DCDC1: variants seen among roughly 807,000 people sequenced by gnomAD.
The protein encoded by DCDC1 is doublecortin domain containing 1, also known as doublecortin domain-containing protein 1.
DCDC1 carries 200 observed loss-of-function variants against 178.3 expected under a neutral mutation model. That is an observed-to-expected ratio of 1.12 (90% CI 1.00 to 1.26). The LOEUF (loss-of-function observed/expected upper bound fraction) is 1.26. Among genes scored for constraint, DCDC1 ranks in the 50% most tolerant of loss-of-function variants. The probability of loss-of-function intolerance (pLI) is 0.00; values close to 1 mark genes in which losing one functional copy is unlikely to be tolerated. For synonymous variants in DCDC1, 690 were observed against 604.8 expected (o/e 1.14, Z -2.07); for missense variants, 1,983 against 1,749.2 (o/e 1.13, Z -2.38).
At chr11:31,235,181 G>A (rs1421546729) in intron 9 of DCDC1, among the ~76,000 whole-genome samples, 1 of 151,506 alleles carries the variant, frequency 6.6e-6, no homozygotes, top group African/African-American at 2.4e-5. Context: ...ATAAATTTTT[G>A]GTCAGAAAAT....
intron 9 of DCDC1, among the ~76,000 whole-genome samples, chr11:31,176,271 G>C (rs1968003112): frequency 6.6e-6 from 1 of 152,174 alleles, no homozygotes; most frequent in African/African-American, 2.4e-5. Flanking sequence ...ATATAATTGA[G>C]AGTTTCAATA....
chr11:31,359,739 C>A (rs1400082785), intron 1 of DCDC1, among the ~76,000 whole-genome samples: 1 of 152,156 alleles, frequency 6.6e-6, no homozygotes, highest in Non-Finnish European at 1.5e-5. Flanking sequence ...CTTTTCTGTA[C>A]ATTTTCCCTA....
At chr11:30,918,621 G>A (rs1465540378) in intron 25 of DCDC1, among the ~76,000 whole-genome samples, 1 of 152,114 alleles carries the variant, frequency 6.6e-6, no homozygotes, top group Non-Finnish European at 1.5e-5. Flanking sequence ...GCCATGTAAG[G>A]ATCTAGAGGG....
intron 20 of DCDC1, among the ~76,000 whole-genome samples, chr11:31,005,492 C>T (rs1951788710): frequency 6.6e-6 from 1 of 152,156 alleles, no homozygotes; most frequent in South Asian, 2.1e-4. Context: ...CTAAGCAATC[C>T]TTTCAGCCAT....
chr11:31,242,390 T>C (rs1977268633), intron 8 of DCDC1, among the ~76,000 whole-genome samples: 2 of 151,928 alleles, frequency 1.3e-5, no homozygotes, highest in Non-Finnish European at 2.9e-5. Context: ...TCCAATAACA[T>C]GGCAGCTAGC....
intron 28 of DCDC1, among the ~76,000 whole-genome samples, chr11:30,911,123 A>G (rs1414222815): frequency 1.3e-5 from 2 of 152,174 alleles, no homozygotes; most frequent in African/African-American, 4.8e-5. Flanking sequence ...CAAGCCCACA[A>G]TCACCATCTG....
intron 36 of DCDC1, among the ~76,000 whole-genome samples, chr11:30,891,632 T>C (rs1943785111): frequency 1.3e-5 from 2 of 152,254 alleles, no homozygotes; most frequent in Admixed American, 6.5e-5. Context: ...AGCTTTGTTA[T>C]AGTGCTTTTT....
In DCDC1 at chr11:31,328,253, T is replaced by G; in HGVS notation, c.28A>C (p.Arg10=). ...AAGGAAGACTGAGATAGTGCTTCTC[T>G]GTGATCTTCTGCTCCTGTTTTTGCC... The part of the protein sequence containing the change: MAKTGAEDH[R]EALSQSSLSL... Residue 10 remains arginine (R), a synonymous_variant, in exon 3 of 39, where the codon AGA becomes CGA. Coordinates refer to ENST00000684477, the MANE Select transcript of DCDC1 (RefSeq NM_001387274.1). 6.3e-7 allele frequency: 1 copy of G among 1,581,212 alleles called. No homozygotes were observed.
intron 20 of DCDC1, among the ~76,000 whole-genome samples, chr11:31,020,576 A>G (rs1179742564): frequency 6.6e-6 from 1 of 152,132 alleles, no homozygotes; most frequent in Non-Finnish European, 1.5e-5. Context: ...TCTTGAAAAT[A>G]TCTCTTAGAT....
At chr11:31,057,956 T>C (rs1162778653) in intron 20 of DCDC1, among the ~76,000 whole-genome samples, 1 of 152,150 alleles carries the variant, frequency 6.6e-6, no homozygotes, top group Non-Finnish European at 1.5e-5. Context: ...CCTGTTAGAT[T>C]CTGTGGGGAC....
chr11:30,877,770 T>C (rs1942271343), intron 38 of DCDC1, among the ~76,000 whole-genome samples: 1 of 152,148 alleles, frequency 6.6e-6, no homozygotes. Context: ...AGCCATTTCA[T>C]TTGTATTCAG....
chr11:31,141,155 T>A (rs1202197152), intron 9 of DCDC1, among the ~76,000 whole-genome samples: 1 of 152,184 alleles, frequency 6.6e-6, no homozygotes, highest in East Asian at 1.9e-4. Context: ...CCAAAATATT[T>A]TAAAGTGTGC....
chr11:30,959,418 G>A (rs1028010119), intron 20 of DCDC1, among the ~76,000 whole-genome samples: 1 of 152,170 alleles, frequency 6.6e-6, no homozygotes, highest in South Asian at 2.1e-4. Flanking sequence ...GATCTTAGGC[G>A]ACCACTGTAG....
intron 9 of DCDC1, among the ~76,000 whole-genome samples, chr11:31,238,161 T>A (rs978443984): frequency 6.6e-6 from 1 of 152,024 alleles, no homozygotes; most frequent in African/African-American, 2.4e-5. Flanking sequence ...GCGGGGAAAT[T>A]CAAACTTGGG....
At chr11:31,202,425 G>A (rs1971397976) in intron 9 of DCDC1, among the ~76,000 whole-genome samples, 2 of 151,938 alleles carry the variant, frequency 1.3e-5, no homozygotes, top group South Asian at 4.2e-4. Context: ...AAAAAAAGTA[G>A]TTGACTGTGG....
chr11:31,018,320 T>A lies in DCDC1; in HGVS notation c.2591+46149A>T, dbSNP rs1952627189. On this transcript the variant is annotated intron_variant, in intron 20 of 38. Coordinates refer to ENST00000684477, the MANE Select transcript of DCDC1 (RefSeq NM_001387274.1). The stretch of plus-strand genomic sequence containing the variant: ...CTGGGACTCATATTTTGTAATTTTT[T>A]AAACAGCTAGAAAACGTTGTCATGT... Among the ~76,000 whole-genome samples, 3 of 152,234 alleles carry A rather than the reference T, an allele frequency of 2.0e-5. No homozygotes were observed. The South Asian group carries it at 6.2e-4, about 32-fold the overall frequency.
At chr11:31,114,360 C>T (rs906212253) in intron 11 of DCDC1, among the ~76,000 whole-genome samples, 1 of 152,054 alleles carries the variant, frequency 6.6e-6, no homozygotes, top group South Asian at 2.1e-4. Context: ...GGCCCTAAAG[C>T]TTAAGTTTCA....
intron 9 of DCDC1, among the ~76,000 whole-genome samples, chr11:31,214,866 AATTT>A (rs1215082699): frequency 6.6e-6 from 1 of 152,016 alleles, no homozygotes; most frequent in Non-Finnish European, 1.5e-5. Flanking sequence ...TACCTTCAAT[AATTT>A]AACTAACATA....
intron 35 of DCDC1, among the ~76,000 whole-genome samples, 191 bp downstream of exon 35, chr11:30,894,057 C>T (rs986214716): frequency 3.3e-5 from 5 of 152,206 alleles, no homozygotes; most frequent in Admixed American, 6.5e-5. Context: ...AACAGACCCT[C>T]ATATGAGCTG....
Sources: allele counts gnomAD v4.1 joint callset (sites outside exome capture counted in the v4.1 genomes callset), GRCh38; gene constraint gnomAD v4.1.1; transcripts MANE v1.5; gene names NCBI Gene and HGNC (gene_info 2026-07-23, HGNC 2026-07-21).